The following NSUN3 variants were observed in gnomAD, a reference collection of about 807,000 sequenced individuals.
NSUN3 encodes tRNA (cytosine(34)-C(5))-methyltransferase, mitochondrial.
A neutral mutation model predicts 36.8 loss-of-function variants in NSUN3; 24 were observed. The observed-to-expected ratio is 0.65, with a 90% confidence interval of 0.47 to 0.92. NSUN3 has a LOEUF of 0.92. Among genes scored for constraint, NSUN3 ranks in the 40% least tolerant of loss-of-function variants. NSUN3 has a pLI of 0.00. For synonymous variants in NSUN3, 146 were observed against 145.2 expected (o/e 1.01, Z -0.04); for missense variants, 381 against 392.8 (o/e 0.97, Z 0.25).
At chr3:94,076,928 G>T in intron 2 of NSUN3, 1 of 1,140,588 alleles carries the variant, frequency 8.8e-7, no homozygotes. Flanking sequence ...TTGCACACTG[G>T]CTATAACAAG....
chr3:94,098,509 G>A (rs2077352521), intron 5 of NSUN3, among the ~76,000 whole-genome samples: 1 of 151,754 alleles, frequency 6.6e-6, no homozygotes. Flanking sequence ...TTTAATTTGG[G>A]GATTTTCCAG....
At chr3:94,107,902 C>A (rs141583113) in intron 5 of NSUN3, among the ~76,000 whole-genome samples, 1 of 151,378 alleles carries the variant, frequency 6.6e-6, no homozygotes, top group South Asian at 2.1e-4. Context: ...TTATTATTTA[C>A]GACCCAGTTG....
intron 2 of NSUN3, among the ~76,000 whole-genome samples, chr3:94,070,344 G>A (rs529687865): frequency 1.1e-3 from 160 of 152,110 alleles, no homozygotes; most frequent in Non-Finnish European, 1.6e-3. Flanking sequence ...GCCTGTAGGC[G>A]CAACTACTTG....
Position 94,084,422 on chromosome 3 carries a change from AAT to A in NSUN3, c.440_441del (p.Ile147SerfsTer14). 2 of 1,613,928 alleles carry A rather than the reference AAT, an allele frequency of 1.2e-6. No individual in the cohort carries two copies. The highest frequency in any genetic ancestry group is 1.7e-6 in the Non-Finnish European group (2 of 1,179,912). ...TCTGTGCTGCTCCTGGAGGGAAATC[AAT>A]AGCTCTGCTGCAGTGTGCTTGTCCA... ...DLCAAPGGKS[I>X]ALLQCACPGY... is the part of the protein sequence containing the mutation. On this transcript the variant is annotated frameshift_variant, in exon 3 of 6. Transcript: ENST00000314622. LOFTEE classifies it high-confidence loss of function.
At chr3:94,093,588 G>A (rs1331319977) in intron 3 of NSUN3, among the ~76,000 whole-genome samples, 2 of 148,938 alleles carry the variant, frequency 1.3e-5, no homozygotes, top group Non-Finnish European at 3.0e-5. Context: ...GGTCTTCTGA[G>A]TGCAGTGATT....
At chr3:94,107,931 C>T (rs1176943604) in intron 5 of NSUN3, among the ~76,000 whole-genome samples, 1 of 144,448 alleles carries the variant, frequency 6.9e-6, no homozygotes, top group Non-Finnish European at 1.5e-5. Context: ...AAAAACCATT[C>T]TCATTTTTAT....
chr3:94,076,219 C>T (rs2077245110), intron 2 of NSUN3: 2 of 918,270 alleles, frequency 2.2e-6, no homozygotes, highest in African/African-American at 3.2e-5. Flanking sequence ...ACTACTGAAC[C>T]TGGAATATTT....
In NSUN3 at chr3:94,127,978, T is replaced by C. The variant is rs1186302964; in HGVS notation, c.*1488T>C. On this transcript the variant is annotated 3_prime_UTR_variant, in exon 6 of 6. Transcript: ENST00000314622. ...GCTTATGCCTGTAATCCCAGCACTT[T>C]GTCAGGCCGAGGCAGGGGGCATCTC... 6.6e-6 allele frequency: 1 copy of C among 152,164 alleles called. No homozygotes were observed. The highest frequency in any genetic ancestry group is 1.5e-5 in the Non-Finnish European group (1 of 68,036). 9.4% of individuals were successfully genotyped at this position (152,164 alleles called of 1,614,324 possible). A position where few individuals can be genotyped will look rare whatever the true frequency, so the allele number is the denominator to read the frequency against.
chr3:94,117,124 C>G (rs114192292), intron 5 of NSUN3, among the ~76,000 whole-genome samples: 2,069 of 151,070 alleles, frequency 0.014, 47 homozygotes, highest in African/African-American at 0.047. Context: ...TTAGCCTCCC[C>G]AGTGGCTGGG....
intron 3 of NSUN3, among the ~76,000 whole-genome samples, chr3:94,086,661 T>C (rs1047092246): frequency 3.3e-5 from 5 of 152,372 alleles, no homozygotes; most frequent in African/African-American, 1.2e-4. Context: ...GGAGGAAATA[T>C]GCCCAATGTT....
At chr3:94,114,549 C>G (rs1217905802) in intron 5 of NSUN3, among the ~76,000 whole-genome samples, 1 of 152,152 alleles carries the variant, frequency 6.6e-6, no homozygotes, top group African/African-American at 2.4e-5. Context: ...ATTTCTGGAC[C>G]AAATCCACAT....
chr3:94,107,289 G>A (rs552599174), intron 5 of NSUN3, among the ~76,000 whole-genome samples: 2 of 152,080 alleles, frequency 1.3e-5, no homozygotes, highest in Admixed American at 1.3e-4. Flanking sequence ...TGTTGTTGTT[G>A]TTTTGTTTTT....
In NSUN3 at chr3:94,091,388, A is replaced by G. The variant is rs552583571; in HGVS notation, c.467-2752A>G. Among the ~76,000 whole-genome samples the G allele has an allele frequency of 3.3e-5, 5 of 152,296 alleles. No individual in the cohort carries two copies. The East Asian group carries it at 7.7e-4, about 24-fold the overall frequency. Reference sequence around the variant, plus strand: ...AGTTTTTCACCAACAATTCTGAAGGATATGCTTCAGGAAAAAAGAAAGCCA... The same window carrying G: ...AGTTTTTCACCAACAATTCTGAAGGGTATGCTTCAGGAAAAAAGAAAGCCA... On this transcript the variant is annotated intron_variant, in intron 3 of 5. Transcript: ENST00000314622.
chr3:94,131,679 G>T lies in NSUN3; in HGVS notation c.*5189G>T, dbSNP rs566821999. On this transcript the variant is annotated 3_prime_UTR_variant, in exon 6 of 6. Coordinates refer to ENST00000314622, the MANE Select transcript of NSUN3 (RefSeq NM_022072.5). ...TGCAGTGTCAATTGTAAAGCAAAGA[G>T]TAATTGATATTACTTTCTGTGACAC... is the stretch of plus-strand genomic sequence containing the variant. 2.6e-5 allele frequency among the ~76,000 whole-genome samples: 4 copies of T among 152,320 alleles called. No homozygotes were observed. The highest frequency in any genetic ancestry group is 2.0e-4 in the Admixed American group (3 of 15,298).
intron 5 of NSUN3, among the ~76,000 whole-genome samples, chr3:94,118,171 T>C (rs2077447931): frequency 6.6e-6 from 1 of 152,206 alleles, no homozygotes; most frequent in Admixed American, 6.5e-5. Context: ...TTGATCATTC[T>C]ACATTGTAAA....
chr3:94,125,397 G>A (rs2077481347), intron 5 of NSUN3, among the ~76,000 whole-genome samples: 1 of 152,152 alleles, frequency 6.6e-6, no homozygotes, highest in Admixed American at 6.5e-5. Context: ...TTACTCTGGA[G>A]GCTCTCTTCA....
chr3:94,064,656 G>A lies in NSUN3; in HGVS notation c.122+110G>A, dbSNP rs754189351. 5 of 644,344 alleles carry A rather than the reference G, an allele frequency of 7.8e-6. No individual in the cohort carries two copies. The East Asian group carries it at 1.1e-4, about 15-fold the overall frequency. The allele number at this position is 644,344 out of a possible 1,614,324, so 39.9% of individuals were successfully genotyped here. On this transcript the variant is annotated intron_variant, in intron 2 of 5. Transcript: ENST00000314622. ...TAAAAGGCAAAGGAATCTAAATCTG[G>A]TTGCCTTTTCCTACTGAAGCTATAG...
chr3:94,107,576 C>G (rs1199013962), intron 5 of NSUN3, among the ~76,000 whole-genome samples: 1 of 152,082 alleles, frequency 6.6e-6, no homozygotes, highest in East Asian at 1.9e-4. Flanking sequence ...TGTGAGCCAC[C>G]ATGCCCGGCT....
intron 5 of NSUN3, among the ~76,000 whole-genome samples, chr3:94,124,694 A>G (rs966337625): frequency 2.6e-5 from 4 of 152,278 alleles, no homozygotes; most frequent in Admixed American, 2.0e-4. Flanking sequence ...GTCACCTTCT[A>G]AGGCACTATG....
Sources: gnomAD v4.1 joint callset for allele counts (sites outside exome capture counted in the v4.1 genomes callset) on GRCh38, gnomAD v4.1.1 for gene constraint, MANE v1.5 for transcripts, NCBI Gene and HGNC (gene_info 2026-07-23, HGNC 2026-07-21) for gene names.